Variants in UBXN4 observed in about 807,000 individuals in gnomAD.
UBXN4 encodes the protein UBX domain-containing protein 4.
A neutral mutation model predicts 66.2 loss-of-function variants in UBXN4; 35 were observed. That is an observed-to-expected ratio of 0.53 (90% CI 0.40 to 0.70). The LOEUF (loss-of-function observed/expected upper bound fraction) is 0.70, where lower values mean the gene tolerates loss of function less well. Among genes scored for constraint, UBXN4 ranks in the 30% least tolerant of loss-of-function variants. The probability of loss-of-function intolerance (pLI) is 0.00; values close to 1 mark genes in which losing one functional copy is unlikely to be tolerated. For missense variants in UBXN4, 533 were observed against 599.8 expected, an observed-to-expected ratio of 0.89 and a Z score of 1.16; for synonymous variants, 203 against 204.5, an observed-to-expected ratio of 0.99 and a Z score of 0.06.
At chr2:135,781,436 C>T (rs938819117) in intron 12 of UBXN4, among the ~76,000 whole-genome samples, 2 of 152,198 alleles carry the variant, frequency 1.3e-5, no homozygotes, top group Non-Finnish European at 2.9e-5. Context: ...GTTAAGCACT[C>T]TATGAGGCCT....
rs1483264484 is a variant in UBXN4 at position 135,752,561 on chromosome 2, A to G, written c.186-978A>G. 2.0e-5 allele frequency among the ~76,000 whole-genome samples: 3 copies of G among 152,222 alleles called. No individual in the cohort carries two copies. The South Asian group carries it at 6.2e-4, about 32-fold the overall frequency. ...ATCCTTTGTTATTATAGAGTATTACATTATCACATGCCTAAGTAAGTCGTA... is the reference window on the plus strand; with the variant it reads ...ATCCTTTGTTATTATAGAGTATTACGTTATCACATGCCTAAGTAAGTCGTA... On this transcript the variant is annotated intron_variant, in intron 2 of 12. Coordinates refer to ENST00000272638, the MANE Select transcript of UBXN4 (RefSeq NM_014607.4).
intron 4 of UBXN4, among the ~76,000 whole-genome samples, chr2:135,754,819 C>T (rs1368694477): frequency 6.6e-6 from 1 of 152,080 alleles, no homozygotes; most frequent in Non-Finnish European, 1.5e-5. Flanking sequence ...GATGGAGTCT[C>T]TGTTGCCCAG....
chr2:135,778,525 G>A (rs12467770), intron 10 of UBXN4, among the ~76,000 whole-genome samples: 25,974 of 152,068 alleles, frequency 0.17, 2,529 homozygotes, highest in Middle Eastern at 0.38. Flanking sequence ...CTTCCTGAAG[G>A]TATATATGAG....
chr2:135,768,999 G>C (rs1199933167), intron 6 of UBXN4, among the ~76,000 whole-genome samples: 1 of 152,006 alleles, frequency 6.6e-6, no homozygotes, highest in Non-Finnish European at 1.5e-5. Flanking sequence ...ACCACACCCA[G>C]CCTCCATTTG....
chr2:135,769,788 GA>G lies in UBXN4; in HGVS notation c.625del (p.Arg209GlyfsTer38). 6.3e-7 allele frequency: 1 copy of G among 1,587,014 alleles called. No homozygotes were observed. Among genetic ancestry groups the G allele is most frequent in the Non-Finnish European group, 8.5e-7 (1 of 1,169,958 alleles). ...RVERLTKKLE[E>X]RREEKRKEEE... Reference sequence around the variant, plus strand: ...ATACAGACTAACAAAAAAACTTGAAGAAAGGAGAGAAGAGAAAAGAAAAGAG... The same window carrying G: ...ATACAGACTAACAAAAAAACTTGAAGAAGGAGAGAAGAGAAAAGAAAAGAG... On this transcript the variant is annotated frameshift_variant, in exon 7 of 13. Coordinates refer to ENST00000272638, the MANE Select transcript of UBXN4 (RefSeq NM_014607.4). LOFTEE classifies it high-confidence loss of function.
chr2:135,762,393 A>G (rs2077320694), intron 6 of UBXN4, among the ~76,000 whole-genome samples: 3 of 152,336 alleles, frequency 2.0e-5, no homozygotes, highest in South Asian at 2.1e-4. Flanking sequence ...TTGTCAAATC[A>G]TAGTCTTTTA....
chr2:135,761,388 A>T (rs933598867), intron 5 of UBXN4, among the ~76,000 whole-genome samples: 10 of 151,134 alleles, frequency 6.6e-5, no homozygotes, highest in Non-Finnish European at 1.2e-4. Context: ...CCACAGCCAC[A>T]TTTTAATTAA....
intron 11 of UBXN4, 153 bp from the exon 12 acceptor site, chr2:135,780,030 C>A (rs537571104): frequency 4.8e-6 from 3 of 619,796 alleles, no homozygotes; most frequent in South Asian, 2.2e-5. Context: ...TTTATATATA[C>A]GTGAAAAACA....
Position 135,754,274 on chromosome 2 carries a change from A to C in UBXN4, c.330A>C (p.Arg110=). The C allele has an allele frequency of 6.2e-7, 1 of 1,610,726 alleles. No individual in the cohort carries two copies. Among genetic ancestry groups the C allele is most frequent in the Non-Finnish European group, 8.5e-7 (1 of 1,177,078 alleles). ...DELVTRIHKV[R]QMHLLKSETS... is the part of the protein sequence containing the mutation. ...TTGTTACAAGAATTCACAAGGTCCG[A>C]CAGGTAAGAAGGAACAGAACTGTTG... Residue 110 remains arginine, a synonymous_variant, in exon 4 of 13, where the codon CGA becomes CGC. Coordinates refer to ENST00000272638, the MANE Select transcript of UBXN4 (RefSeq NM_014607.4).
chr2:135,754,967 A>G (rs2077271011), intron 4 of UBXN4, among the ~76,000 whole-genome samples: 3 of 151,794 alleles, frequency 2.0e-5, no homozygotes, highest in Admixed American at 2.0e-4. Context: ...CATTTTTAGT[A>G]GAGACGGAAT....
chr2:135,755,690 A>G lies in UBXN4; in HGVS notation c.507A>G (p.Thr169=). The change falls in exon 5 of 13, where the codon ACA becomes ACG. Residue 169 remains threonine (T), a splice_region_variant and synonymous_variant. Transcript: ENST00000272638. ...CTGATACAAAGTCAGATACTGCAACAGGTAACTTTTAATGTACCTTTTTGA... is the reference window on the plus strand; with the variant it reads ...CTGATACAAAGTCAGATACTGCAACGGGTAACTTTTAATGTACCTTTTTGA... ...PTSDTKSDTA[T]GGESAGHATS... 1 of 1,510,298 alleles carries G rather than the reference A, an allele frequency of 6.6e-7. No individual in the cohort carries two copies. The highest frequency in any genetic ancestry group is 1.4e-5 in the South Asian group (1 of 70,286). The allele number at this position is 1,510,298 out of a possible 1,614,324, so 93.6% of individuals were successfully genotyped here. A position where few individuals can be genotyped will look rare whatever the true frequency, so the allele number is the denominator to read the frequency against.
intron 1 of UBXN4, among the ~76,000 whole-genome samples, chr2:135,744,066 G>A (rs111622239): frequency 1.3e-5 from 2 of 152,310 alleles, no homozygotes; most frequent in African/African-American, 2.4e-5. Flanking sequence ...AGTAGGATTA[G>A]TGTCACTCTA....
intron 12 of UBXN4, among the ~76,000 whole-genome samples, chr2:135,782,245 A>G (rs578234959): frequency 5.9e-5 from 9 of 152,278 alleles, no homozygotes; most frequent in African/African-American, 2.2e-4. Flanking sequence ...CTTAAATTTT[A>G]TCCTTATACC....
Position 135,761,848 on chromosome 2 carries a change from C to T in UBXN4, c.539C>T (p.Ser180Phe), listed in dbSNP as rs200158629. Residue 180 changes from serine to phenylalanine, a missense_variant, in exon 6 of 13, where the codon TCT becomes TTT. Around this residue, in one of 2 missense-constraint regions of UBXN4, gnomAD observed 529 missense variants for 580.1 expected, o/e 0.91. Coordinates refer to ENST00000272638, the MANE Select transcript of UBXN4 (RefSeq NM_014607.4). The part of the protein sequence containing the change: ...GGESAGHATS[S>F]QEPSGCSDQR... ...GAAAGTGCAGGCCATGCCACTTCCT[C>T]TCAGGAGCCTAGTGGATGCTCAGAT... 47 of 1,613,408 alleles carry T rather than the reference C, an allele frequency of 2.9e-5. 1 individual carries two copies. The South Asian group carries it at 5.1e-4, about 17-fold the overall frequency.
At chr2:135,749,062 T>C (rs1432152269) in intron 2 of UBXN4, among the ~76,000 whole-genome samples, 1 of 152,036 alleles carries the variant, frequency 6.6e-6, no homozygotes, top group East Asian at 1.9e-4. Context: ...AGAATGTTTA[T>C]GCTATGTTTT....
chr2:135,747,614 C>T (rs1348809422), intron 1 of UBXN4: 10 of 456,518 alleles, frequency 2.2e-5, no homozygotes, highest in Admixed American at 7.0e-5. Context: ...AAAGGTGCCA[C>T]ATAAAGGACA....
chr2:135,767,740 T>G (rs1460370971), intron 6 of UBXN4, among the ~76,000 whole-genome samples: 1 of 152,236 alleles, frequency 6.6e-6, no homozygotes, highest in Non-Finnish European at 1.5e-5. Context: ...TATGTCTTGG[T>G]GAACATGTGT....
chr2:135,782,138 A>G (rs1413620691), intron 12 of UBXN4, among the ~76,000 whole-genome samples: 3 of 152,164 alleles, frequency 2.0e-5, no homozygotes, highest in Non-Finnish European at 4.4e-5. Context: ...AGAGCAAAGG[A>G]TGGAATAAAA....
chr2:135,753,954 C>G lies in UBXN4; in HGVS notation c.215-205C>G, dbSNP rs1166365092. On this transcript the variant is annotated intron_variant, in intron 3 of 12. Transcript: ENST00000272638. ...ATGATAGAGGAGAATGTAGTAGATTCTTCACTAGAATATACCTCATAAATT... is the reference window on the plus strand; with the variant it reads ...ATGATAGAGGAGAATGTAGTAGATTGTTCACTAGAATATACCTCATAAATT... 49 of 502,716 alleles carry G rather than the reference C, an allele frequency of 9.7e-5. No individual in the cohort carries two copies. In the South Asian group the frequency reaches 1.5e-3, roughly 15 times the overall value. The allele number at this position is 502,716 out of a possible 1,614,324, so 31.1% of individuals were successfully genotyped here.
Sources: allele counts gnomAD v4.1 joint callset (sites outside exome capture counted in the v4.1 genomes callset), GRCh38; gene constraint gnomAD v4.1.1; regional missense constraint gnomAD v4.1.1; transcripts MANE v1.5; gene names NCBI Gene and HGNC (gene_info 2026-07-23, HGNC 2026-07-21).